Variants in NUDCD3 observed in about 807,000 individuals in gnomAD.
NUDCD3 encodes the protein nudC domain-containing protein 3.
Under a neutral mutation model 39.7 loss-of-function variants are expected in NUDCD3, and 13 were observed. That is an observed-to-expected ratio of 0.33 (90% CI 0.21 to 0.52). The LOEUF (loss-of-function observed/expected upper bound fraction) is 0.52. Among genes scored for constraint, NUDCD3 ranks in the 20% least tolerant of loss-of-function variants. The pLI, the probability that NUDCD3 is intolerant of heterozygous loss-of-function variation, is 0.96. For missense variants in NUDCD3, 453 were observed against 458.1 expected (o/e 0.99, Z 0.10); for synonymous variants, 175 against 172.4 (o/e 1.02, Z -0.12).
At chr7:44,456,120 T>A in intron 2 of NUDCD3, among the ~76,000 whole-genome samples, 3 of 130,844 alleles carry the variant, frequency 2.3e-5, no homozygotes, top group African/African-American at 8.7e-5. Context: ...CTAATAATGA[T>A]AGCAAAGAAA....
chr7:44,427,742 C>A (rs762926951), intron 2 of NUDCD3, 39 bp from the exon 3 acceptor site: 1 of 1,604,810 alleles, frequency 6.2e-7, no homozygotes, highest in African/African-American at 1.3e-5. Context: ...GTCAGCCATG[C>A]CTGAGCAGAG....
At chr7:44,462,834 C>T (rs1800042239) in intron 2 of NUDCD3, among the ~76,000 whole-genome samples, 1 of 152,256 alleles carries the variant, frequency 6.6e-6, no homozygotes, top group South Asian at 2.1e-4. Context: ...TCCAGGAATA[C>T]AACATGTCTG....
intron 5 of NUDCD3, among the ~76,000 whole-genome samples, chr7:44,389,631 T>C (rs1798471827): frequency 6.6e-6 from 1 of 152,120 alleles, no homozygotes; most frequent in Non-Finnish European, 1.5e-5. Context: ...GAAATACTCT[T>C]TGGAGAAGGT....
At chr7:44,394,524 T>A (rs1399342312) in intron 4 of NUDCD3, among the ~76,000 whole-genome samples, 1 of 152,194 alleles carries the variant, frequency 6.6e-6, no homozygotes, top group East Asian at 1.9e-4. Context: ...GAACTGTAAA[T>A]CTCTGGAAAG....
chr7:44,485,644 A>C (rs1800594734), intron 1 of NUDCD3: 1 of 177,258 alleles, frequency 5.6e-6, no homozygotes, highest in South Asian at 1.7e-4. Context: ...AAAGGCACCA[A>C]AATTCAGACT....
chr7:44,409,933 A>C (rs939419109), intron 3 of NUDCD3, among the ~76,000 whole-genome samples: 1 of 152,198 alleles, frequency 6.6e-6, no homozygotes, highest in Non-Finnish European at 1.5e-5. Flanking sequence ...ACCACTTTTT[A>C]GCATTTAGAA....
intron 3 of NUDCD3, among the ~76,000 whole-genome samples, chr7:44,405,397 A>G (rs1288630237): frequency 6.6e-6 from 1 of 152,128 alleles, no homozygotes; most frequent in African/African-American, 2.4e-5. Flanking sequence ...ACTTCATATC[A>G]TGTATTCCAG....
intron 3 of NUDCD3, among the ~76,000 whole-genome samples, chr7:44,416,085 TA>T (rs1799016389): frequency 6.6e-6 from 1 of 152,192 alleles, no homozygotes; most frequent in South Asian, 2.1e-4. Context: ...ATTTTTACTT[TA>T]TTTTATTTAT....
intron 4 of NUDCD3, among the ~76,000 whole-genome samples, chr7:44,400,047 A>C (rs973447852): frequency 6.6e-6 from 1 of 152,198 alleles, no homozygotes; most frequent in Non-Finnish European, 1.5e-5. Flanking sequence ...GAGCCCCCGC[A>C]GCAGAGCAGC....
intron 4 of NUDCD3, among the ~76,000 whole-genome samples, chr7:44,397,087 G>A (rs1228812412): frequency 6.6e-6 from 1 of 152,092 alleles, no homozygotes; most frequent in African/African-American, 2.4e-5. Context: ...CAGCAGCCCC[G>A]TTCCCCTTCT....
chr7:44,417,992 A>G (rs1411298576), intron 3 of NUDCD3, among the ~76,000 whole-genome samples: 1 of 152,224 alleles, frequency 6.6e-6, no homozygotes, highest in Admixed American at 6.5e-5. Context: ...TTAAAGGCAC[A>G]GGGCACTTGC....
chr7:44,466,087 T>G (rs572260641), intron 2 of NUDCD3, among the ~76,000 whole-genome samples: 12 of 152,122 alleles, frequency 7.9e-5, no homozygotes, highest in Admixed American at 3.9e-4. Context: ...ATAAGCCAGA[T>G]GCTTGCTGCC....
intron 2 of NUDCD3, among the ~76,000 whole-genome samples, chr7:44,458,126 C>A (rs1465916306): frequency 6.6e-6 from 1 of 152,160 alleles, no homozygotes; most frequent in Non-Finnish European, 1.5e-5. Context: ...AAATATTATT[C>A]TGTCAGTAAA....
intron 2 of NUDCD3, among the ~76,000 whole-genome samples, chr7:44,461,000 T>C (rs996767638): frequency 6.6e-6 from 1 of 152,234 alleles, no homozygotes; most frequent in Non-Finnish European, 1.5e-5. Context: ...ATATCCTAGG[T>C]AGTCCTAGAC....
chr7:44,401,658 G>C (rs1798729518), intron 4 of NUDCD3, among the ~76,000 whole-genome samples: 1 of 152,204 alleles, frequency 6.6e-6, no homozygotes. Context: ...GGAATTTTTA[G>C]CAGAGAATAT....
At chr7:44,390,360 T>C (rs1375207217) in intron 5 of NUDCD3, among the ~76,000 whole-genome samples, 1 of 152,082 alleles carries the variant, frequency 6.6e-6, no homozygotes, top group East Asian at 1.9e-4. Context: ...CGAGGCTCTG[T>C]CTCAAAAAAT....
At chr7:44,391,937 C>T (rs551620469) in intron 5 of NUDCD3, among the ~76,000 whole-genome samples, 1 of 152,314 alleles carries the variant, frequency 6.6e-6, no homozygotes, top group African/African-American at 2.4e-5. Flanking sequence ...AAAGGTCCCA[C>T]CAAGCGACTC....
intron 5 of NUDCD3, among the ~76,000 whole-genome samples, chr7:44,389,247 G>C (rs1798463956): frequency 6.7e-6 from 1 of 149,638 alleles, no homozygotes; most frequent in Admixed American, 6.6e-5. Flanking sequence ...CTTGAGGTTG[G>C]CCTGTCCCGA....
At chr7:44,428,616 A>T (rs1799287817) in intron 2 of NUDCD3, among the ~76,000 whole-genome samples, 1 of 152,148 alleles carries the variant, frequency 6.6e-6, no homozygotes, top group Non-Finnish European at 1.5e-5. Flanking sequence ...AGCCTAAAAA[A>T]CTCAATCAAG....
Sources: gnomAD v4.1 joint callset for allele counts (sites outside exome capture counted in the v4.1 genomes callset) on GRCh38, gnomAD v4.1.1 for gene constraint, MANE v1.5 for transcripts, NCBI Gene and HGNC (gene_info 2026-07-23, HGNC 2026-07-21) for gene names.